The following SYT8 variants were observed in gnomAD, a reference collection of about 807,000 sequenced individuals.
SYT8 encodes synaptotagmin-8.
Under a neutral mutation model 34.9 loss-of-function variants are expected in SYT8, and 50 were observed. That is an observed-to-expected ratio of 1.43 (90% confidence interval 1.14 to 1.81). The LOEUF (loss-of-function observed/expected upper bound fraction) is 1.81. Ranked by LOEUF, SYT8 falls within the 40% of genes most tolerant of loss-of-function variation. SYT8 has a pLI of 0.00. For missense variants in SYT8, 595 were observed against 529.0 expected, an observed-to-expected ratio of 1.12 and a Z score of -1.22; for synonymous variants, 255 against 234.2, an observed-to-expected ratio of 1.09 and a Z score of -0.81.
At position 1,836,454 on chromosome 11, in the gene SYT8, C is replaced by T. The variant is rs1162904467; in HGVS notation, c.546C>T (p.Thr182=). ...HIPQAELPGA[T]LQVQLFNFKR... ...CGCAGGCGGAGCTGCCAGGGGCCAC[C>T]CTGCAGGTGCAGCTTTTCAACTTCA... Residue 182 remains threonine, a synonymous_variant, in exon 5 of 8, where the codon ACC becomes ACT. Coordinates refer to ENST00000341958, the MANE Select transcript of SYT8 (RefSeq NM_001394072.1). 1.9e-6 allele frequency: 3 copies of T among 1,598,306 alleles called. No individual in the cohort carries two copies. Among genetic ancestry groups the T allele is most frequent in the Non-Finnish European group, 2.6e-6 (3 of 1,174,012 alleles).
chr11:1,832,917 C>T (rs1300692950), upstream of SYT8, among the ~76,000 whole-genome samples: 3 of 152,150 alleles, frequency 2.0e-5, no homozygotes, highest in Non-Finnish European at 4.4e-5. Context: ...AGCGGGGGCA[C>T]AGGGGAGGGG....
chr11:1,835,741 C>T (rs1245968053), intron 2 of SYT8, 145 bp from the exon 3 acceptor site: 6 of 816,880 alleles, frequency 7.3e-6, no homozygotes, highest in East Asian at 2.7e-5. Flanking sequence ...TCTCACAGAG[C>T]GAAGCCGACG....
chr11:1,832,480 C>G (rs924708513), upstream of SYT8, among the ~76,000 whole-genome samples: 3 of 152,180 alleles, frequency 2.0e-5, no homozygotes, highest in Non-Finnish European at 2.9e-5. Context: ...GGGAGAGCAG[C>G]CCCGGGAGGC....
chr11:1,833,429 C>T (rs1846742369), upstream of SYT8, among the ~76,000 whole-genome samples: 1 of 152,256 alleles, frequency 6.6e-6, no homozygotes, highest in African/African-American at 2.4e-5. Context: ...ACGCATTAAA[C>T]CAAGCAGGGA....
At chr11:1,835,583 G>C in intron 2 of SYT8, 124 bp downstream of exon 2, 1 of 1,158,150 alleles carries the variant, frequency 8.6e-7, no homozygotes, top group Non-Finnish European at 1.2e-6. Context: ...AGGGCGTTGA[G>C]GACCTTCCTG....
upstream of SYT8, chr11:1,834,512 C>T (rs1765211510): frequency 1.3e-6 from 2 of 1,498,372 alleles, no homozygotes; most frequent in Admixed American, 2.0e-5. The surrounding 1 kb of genome is among the most constrained non-coding windows in gnomAD (Gnocchi z 4.5). Context: ...AGCCCTGCTC[C>T]TCCCGCCATG....
intron 6 of SYT8, 36 bp downstream of exon 6, chr11:1,836,897 G>T (rs759164928): frequency 4.7e-5 from 75 of 1,612,576 alleles, no homozygotes; most frequent in South Asian, 3.0e-4. Flanking sequence ...TTGTACAGAG[G>T]GGGGGCCCGT....
At chr11:1,832,857 C>A (rs7942044), upstream of SYT8, among the ~76,000 whole-genome samples, 102 of 151,936 alleles carry the variant, frequency 6.7e-4, 1 homozygote, top group South Asian at 0.02. Flanking sequence ...GGGAGCTCTC[C>A]CCGCCCGGCC....
In SYT8 at chr11:1,835,491, G is replaced by A. The variant is rs776023784; in HGVS notation, c.258+32G>A. Reference sequence around the variant, plus strand: ...AGCGGCTCCTTGCTCACTCAGTCCAGAGAGGGCTTGAAATCCAGGCTCCAG... The same window carrying A: ...AGCGGCTCCTTGCTCACTCAGTCCAAAGAGGGCTTGAAATCCAGGCTCCAG... On this transcript the variant is annotated intron_variant, in intron 2 of 7. Transcript: ENST00000341958. 10 of 1,605,354 alleles carry A rather than the reference G, an allele frequency of 6.2e-6. No individual in the cohort carries two copies. In the South Asian group the frequency reaches 1.1e-4, roughly 18 times the overall value.
Position 1,835,364 on chromosome 11 carries a change from G to A in SYT8, c.163G>A (p.Ala55Thr). The A allele has an allele frequency of 6.2e-7, 1 of 1,607,194 alleles. No homozygotes were observed. The highest frequency in any genetic ancestry group is 1.1e-5 in the South Asian group (1 of 91,012). ...GVLLVSCLLCAACCCCRRHRK... is the reference protein window; with the variant it reads ...GVLLVSCLLCTACCCCRRHRK... Reference sequence around the variant, plus strand: ...CCTCCTCGTCTCCTGCCTCCTCTGTGCTGCCTGCTGCTGCTGCCGCCGCCA... The same window carrying A: ...CCTCCTCGTCTCCTGCCTCCTCTGTACTGCCTGCTGCTGCTGCCGCCGCCA... The change falls in exon 2 of 8, where the codon GCT becomes ACT. Residue 55 changes from alanine (A) to threonine (T), a missense_variant. Physicochemically the swap from Ala to Thr is moderately conservative, Grantham distance 58. Coordinates refer to ENST00000341958, the MANE Select transcript of SYT8 (RefSeq NM_001394072.1).
In SYT8 at chr11:1,836,977, C is replaced by T; in HGVS notation, c.811C>T (p.Leu271Phe). The T allele has an allele frequency of 6.2e-7, 1 of 1,613,734 alleles. No homozygotes were observed. The highest frequency in any genetic ancestry group is 8.5e-7 in the Non-Finnish European group (1 of 1,180,004). The change falls in exon 7 of 8, where the codon CTC becomes TTC. Residue 271 changes from leucine (L) to phenylalanine (F), a missense_variant. Leu to Phe is a conservative substitution (Grantham distance 22, BLOSUM62 0). Coordinates refer to ENST00000341958, the MANE Select transcript of SYT8 (RefSeq NM_001394072.1). ...CCCAGAGCCCTACGTGAAGGTCCAG[C>T]TCATGCTGAACCAGAGGAAGTGGAA... ...GLAEPYVKVQ[L>F]MLNQRKWKKR...
chr11:1,834,547 C>T (rs377009892), upstream of SYT8: 18 of 1,566,130 alleles, frequency 1.1e-5, no homozygotes, highest in Non-Finnish European at 1.4e-5. This position sits in a 1 kb window ranked among gnomAD's most constrained non-coding sequence, Gnocchi z 4.5. Flanking sequence ...TCTGGGCTTC[C>T]AAGTTCCTGG....
In SYT8 at chr11:1,837,342, C is replaced by T. The variant is rs2292474; in HGVS notation, c.1075C>T (p.Arg359Trp). The change falls in exon 8 of 8, where the codon CGG becomes TGG. Residue 359 changes from arginine (R) to tryptophan (W), a missense_variant. Physicochemically the swap from Arg to Trp is moderately radical, Grantham distance 101. Transcript: ENST00000341958. ...LAHARRPIAQ[R>W]HPLRPAREVD... ...CCACGCCCGGCGGCCCATTGCCCAGCGGCACCCCCTGCGGCCAGCCAGGGA... is the reference window on the plus strand; with the variant it reads ...CCACGCCCGGCGGCCCATTGCCCAGTGGCACCCCCTGCGGCCAGCCAGGGA... The T allele has an allele frequency of 0.48, 766,438 of 1,594,152 alleles. 189,039 individuals carry two copies. Among genetic ancestry groups the T allele is most frequent in the South Asian group, 0.56 (50,407 of 90,452 alleles).
upstream of SYT8, among the ~76,000 whole-genome samples, chr11:1,832,644 C>T (rs1437747206): frequency 4.6e-5 from 7 of 152,160 alleles, no homozygotes; most frequent in Admixed American, 1.3e-4. Flanking sequence ...GCGCCCGCTG[C>T]ACCTGCACCT....
chr11:1,835,615 A>T (rs1427586420), intron 2 of SYT8, 156 bp downstream of exon 2: 1 of 918,322 alleles, frequency 1.1e-6, no homozygotes, highest in African/African-American at 1.7e-5. Context: ...GGGTGAACAG[A>T]GGTGAGAAGG....
In SYT8 at chr11:1,837,442, T is replaced by A. The variant is rs1267086370; in HGVS notation, c.*11T>A. ...TTGCCCCACTCCTGAATGCACCACA[T>A]GCCTCTGTCTCCCCGCTGAGCCCAG... is the stretch of plus-strand genomic sequence containing the variant. On this transcript the variant is annotated 3_prime_UTR_variant, in exon 8 of 8. Coordinates refer to ENST00000341958, the MANE Select transcript of SYT8 (RefSeq NM_001394072.1). 1 of 1,604,042 alleles carries A rather than the reference T, an allele frequency of 6.2e-7. No homozygotes were observed. Among genetic ancestry groups the A allele is most frequent in the East Asian group, 2.2e-5 (1 of 44,764 alleles).
chr11:1,835,570 G>C, intron 2 of SYT8, 111 bp downstream of exon 2: 3 of 1,322,240 alleles, frequency 2.3e-6, no homozygotes, highest in Non-Finnish European at 3.2e-6. Context: ...CCCCCACAGA[G>C]GCAGGGCGTT....
chr11:1,836,013 G>A (rs907608), intron 3 of SYT8, 29 bp downstream of exon 3: 222,065 of 1,592,190 alleles, frequency 0.14, 16,684 homozygotes, highest in Admixed American at 0.19. Context: ...CAGGACCAGC[G>A]GTTCTGCGAG....
chr11:1,837,054 G>GGCCTTC lies in SYT8; in HGVS notation c.889_894dup (p.Ala297_Phe298dup), dbSNP rs775441855. 7 of 1,613,776 alleles carry GGCCTTC rather than the reference G, an allele frequency of 4.3e-6. No individual in the cohort carries two copies. The highest frequency in any genetic ancestry group is 5.9e-6 in the Non-Finnish European group (7 of 1,180,000). ...GCACGGCGGCCCCCTACTTCAATGAGGCCTTCACCTTCCTGGTGCCCTTCA... is the reference window on the plus strand; with the variant it reads ...GCACGGCGGCCCCCTACTTCAATGAGGCCTTCGCCTTCACCTTCCTGGTGCCCTTCA... On this transcript the variant is annotated inframe_insertion, in exon 7 of 8. Transcript: ENST00000341958.
Sources: gnomAD v4.1 joint callset for allele counts (sites outside exome capture counted in the v4.1 genomes callset) on GRCh38, gnomAD v4.1.1 for gene constraint, Gnocchi (gnomAD v3.1) non-coding constraint, MANE v1.5 for transcripts, NCBI Gene and HGNC (gene_info 2026-07-23, HGNC 2026-07-21) for gene names.